The following SND1 variants were observed in gnomAD, a reference collection of about 807,000 sequenced individuals.
SND1 encodes the protein staphylococcal nuclease and tudor domain containing 1, also known as staphylococcal nuclease domain-containing protein 1.
SND1 carries 38 observed loss-of-function variants against 121.7 expected under a neutral mutation model. The observed-to-expected ratio is 0.31, with a 90% CI of 0.24 to 0.41. The LOEUF (loss-of-function observed/expected upper bound fraction) is 0.41. Among genes scored for constraint, SND1 ranks in the 10% least tolerant of loss-of-function variants. The pLI, the probability that SND1 is intolerant of heterozygous loss-of-function variation, is 1.00. For synonymous variants in SND1, 401 were observed against 447.4 expected (o/e 0.90, Z 1.31); for missense variants, 868 against 1,184.6 (o/e 0.73, Z 3.92).
chr7:127,957,846 G>A lies in SND1; in HGVS notation c.1669+28517G>A, dbSNP rs151099805. ...CTCCCAAGTAGCTGGGATTACAGGC[G>A]CGAGCCACCACACCCAGCTAATTTT... On this transcript the variant is annotated intron_variant, in intron 15 of 23. Transcript: ENST00000354725. 3.9e-3 allele frequency among the ~76,000 whole-genome samples: 598 copies of A among 152,142 alleles called. 7 individuals carry two copies. Among genetic ancestry groups the A allele is most frequent in the Admixed American group, 0.011 (169 of 15,280 alleles).
chr7:127,909,954 G>A (rs1292399719), intron 14 of SND1, among the ~76,000 whole-genome samples: 2 of 152,154 alleles, frequency 1.3e-5, no homozygotes, highest in South Asian at 2.1e-4. Flanking sequence ...GGTAGACAGG[G>A]TTGGATTTTC....
At chr7:127,869,815 C>CT (rs1306567016) in intron 12 of SND1, among the ~76,000 whole-genome samples, 14 of 152,212 alleles carry the variant, frequency 9.2e-5, no homozygotes, top group African/African-American at 3.4e-4. Context: ...CCTTCTACCC[C>CT]TTTCCCTTCC....
At chr7:127,730,985 T>C (rs1196105107) in intron 10 of SND1, among the ~76,000 whole-genome samples, 1 of 152,238 alleles carries the variant, frequency 6.6e-6, no homozygotes, top group Non-Finnish European at 1.5e-5. Context: ...GCCACATTCA[T>C]ATTCGTATGG....
chr7:127,869,880 A>G (rs930234125), intron 12 of SND1, among the ~76,000 whole-genome samples: 1 of 152,152 alleles, frequency 6.6e-6, no homozygotes, highest in African/African-American at 2.4e-5. Context: ...TTTCATGAAC[A>G]TTACATAAAT....
At chr7:127,723,726 C>T (rs1796535593) in intron 10 of SND1, among the ~76,000 whole-genome samples, 1 of 152,094 alleles carries the variant, frequency 6.6e-6, no homozygotes, top group Admixed American at 6.6e-5. Flanking sequence ...GCTCTCTAGG[C>T]CAGCGCTGTC....
chr7:127,661,770 A>G (rs1465164801), intron 1 of SND1, among the ~76,000 whole-genome samples: 1 of 152,058 alleles, frequency 6.6e-6, no homozygotes, highest in East Asian at 1.9e-4. Context: ...TGGTATTTCT[A>G]TACTCAACTT....
intron 10 of SND1, among the ~76,000 whole-genome samples, chr7:127,781,028 C>T (rs1051298849): frequency 5.9e-5 from 9 of 152,068 alleles, no homozygotes; most frequent in African/African-American, 1.4e-4. Flanking sequence ...GTTTGTTCTG[C>T]GGGACATCAA....
chr7:127,962,531 G>A (rs943677937), intron 15 of SND1, among the ~76,000 whole-genome samples: 17 of 152,160 alleles, frequency 1.1e-4, no homozygotes, highest in Admixed American at 9.8e-4. Flanking sequence ...GCAACAGAAA[G>A]CAGGATGTGT....
intron 12 of SND1, among the ~76,000 whole-genome samples, chr7:127,854,116 G>A (rs897344569): frequency 2.0e-5 from 3 of 152,028 alleles, no homozygotes; most frequent in Admixed American, 6.6e-5. Context: ...GGCTTTGTTC[G>A]TTTTTTGTTC....
At position 128,015,021 on chromosome 7, in the gene SND1, G is replaced by A. The variant is rs774063671; in HGVS notation, c.1779+23965G>A. Among the ~76,000 whole-genome samples the A allele has an allele frequency of 3.3e-5, 5 of 152,218 alleles. No individual in the cohort carries two copies. Among genetic ancestry groups the A allele is most frequent in the African/African-American group, 9.6e-5 (4 of 41,456 alleles). ...TTATTCGTGCTCTGCCTACTTGGCTGGCTGTTCTTGCACTTGAGCGGCTTG... is the reference window on the plus strand; with the variant it reads ...TTATTCGTGCTCTGCCTACTTGGCTAGCTGTTCTTGCACTTGAGCGGCTTG... On this transcript the variant is annotated intron_variant, in intron 16 of 23. Coordinates refer to ENST00000354725, the MANE Select transcript of SND1 (RefSeq NM_014390.4). The surrounding 1 kb of genome is among the most constrained non-coding windows in gnomAD (Gnocchi z 4.5).
At chr7:127,826,661 C>T (rs1293512115) in intron 11 of SND1, among the ~76,000 whole-genome samples, 1 of 152,100 alleles carries the variant, frequency 6.6e-6, no homozygotes, top group Non-Finnish European at 1.5e-5. Flanking sequence ...ATTTCATTCC[C>T]TTTTTTATCT....
chr7:127,846,519 C>T (rs1799066029), intron 12 of SND1, among the ~76,000 whole-genome samples: 1 of 151,960 alleles, frequency 6.6e-6, no homozygotes, highest in Non-Finnish European at 1.5e-5. Flanking sequence ...CTGTTGTGTC[C>T]CTAAAGATAG....
At chr7:127,802,151 C>G (rs968047306) in intron 10 of SND1, among the ~76,000 whole-genome samples, 1 of 152,062 alleles carries the variant, frequency 6.6e-6, no homozygotes, top group African/African-American at 2.4e-5. Flanking sequence ...AGCTCTAGAA[C>G]TTTTTACTCC....
At chr7:127,703,046 A>T in intron 6 of SND1, 119 bp from the exon 7 acceptor site, 1 of 1,073,678 alleles carries the variant, frequency 9.3e-7, no homozygotes, top group Non-Finnish European at 1.4e-6. Flanking sequence ...GGACTGATTT[A>T]AGACCTTCCT....
Position 128,013,752 on chromosome 7 carries a change from T to C in SND1, c.1779+22696T>C, listed in dbSNP as rs573572531. On this transcript the variant is annotated intron_variant, in intron 16 of 23. Coordinates refer to ENST00000354725, the MANE Select transcript of SND1 (RefSeq NM_014390.4). ...GAGACTGTAATGCCACTGCTGCTGA[T>C]CTCACATGAGGCGGAGCCCTGGCAG... Among the ~76,000 whole-genome samples, 13 of 152,318 alleles carry C rather than the reference T, an allele frequency of 8.5e-5. No individual in the cohort carries two copies. In the South Asian group the frequency reaches 2.5e-3, roughly 29 times the overall value.
At chr7:127,798,907 G>A (rs542332814) in intron 10 of SND1, among the ~76,000 whole-genome samples, 36 of 152,150 alleles carry the variant, frequency 2.4e-4, no homozygotes, top group Non-Finnish European at 4.7e-4. Context: ...TTAGCTGGGT[G>A]TGGTGGTGCA....
intron 16 of SND1, chr7:128,030,707 C>A: frequency 6.6e-7 from 1 of 1,507,702 alleles, no homozygotes; most frequent in South Asian, 1.3e-5. Context: ...CAGCCCTACC[C>A]CGGCTTAAGT....
chr7:127,671,348 A>G (rs1795514709), intron 1 of SND1, among the ~76,000 whole-genome samples: 2 of 152,214 alleles, frequency 1.3e-5, no homozygotes, highest in South Asian at 2.1e-4. Flanking sequence ...ATTACATCCA[A>G]TCATTATTCA....
chr7:127,784,443 C>A (rs768876546), intron 10 of SND1, among the ~76,000 whole-genome samples: 10 of 152,290 alleles, frequency 6.6e-5, no homozygotes, highest in Non-Finnish European at 1.2e-4. Flanking sequence ...CTAAGTCTTC[C>A]TTTAAGTTTG....
Sources: allele counts gnomAD v4.1 joint callset (sites outside exome capture counted in the v4.1 genomes callset), GRCh38; gene constraint gnomAD v4.1.1; non-coding constraint Gnocchi (gnomAD v3.1); transcripts MANE v1.5; gene names NCBI Gene and HGNC (gene_info 2026-07-23, HGNC 2026-07-21).